The following LRRC17 variants were observed in gnomAD, a reference collection of about 807,000 sequenced individuals.
LRRC17 encodes the protein leucine-rich repeat-containing protein 17.
In LRRC17, 33 loss-of-function variants were observed where a neutral mutation model predicts 41.5. The observed-to-expected ratio is 0.80, with a 90% CI of 0.60 to 1.06. The LOEUF (loss-of-function observed/expected upper bound fraction) is 1.06. Among genes scored for constraint, LRRC17 ranks in the 50% least tolerant of loss-of-function variants. LRRC17 has a pLI of 0.00. For synonymous variants in LRRC17, 192 were observed against 197.0 expected, an observed-to-expected ratio of 0.97 and a Z score of 0.21; for missense variants, 491 against 519.3, an observed-to-expected ratio of 0.95 and a Z score of 0.53.
chr7:102,934,680 G>A lies in LRRC17; in HGVS notation c.767G>A (p.Arg256Lys). The change falls in exon 2 of 4, where the codon AGG becomes AAG. Residue 256 changes from arginine (R) to lysine (K), a missense_variant. Coordinates refer to ENST00000339431, the MANE Select transcript of LRRC17 (RefSeq NM_001031692.3). The stretch of plus-strand genomic sequence containing the variant: ...CCCATACAAACACTGGACTGCAAAA[G>A]GAAAGGTTTGTACTTTTCTTACTTT... ...VFPIQTLDCK[R>K]KELKKVPNNI... 6.3e-7 allele frequency: 1 copy of A among 1,582,136 alleles called. No homozygotes were observed. Among genetic ancestry groups the A allele is most frequent in the Non-Finnish European group, 8.5e-7 (1 of 1,170,458 alleles).
In LRRC17 at chr7:102,944,545, GA is replaced by G. The variant is rs745668314; in HGVS notation, c.1272del (p.Lys424AsnfsTer12). 3.7e-6 allele frequency: 6 copies of G among 1,608,930 alleles called. No homozygotes were observed. The highest frequency in any genetic ancestry group is 2.7e-5 in the African/African-American group (2 of 74,318). On this transcript the variant is annotated frameshift_variant, in exon 4 of 4. Coordinates refer to ENST00000339431, the MANE Select transcript of LRRC17 (RefSeq NM_001031692.3). LOFTEE classifies it high-confidence loss of function. ...CCAAGACACAGAAGATGATGAATGG[GA>G]AAAAAAACATAGAGATCACACCGCA... ...FDQDTEDDEW[E>X]KKHRDHTAKK...
rs1447788406 is a variant in LRRC17, at chr7:102,939,592, T to C, written c.928+7T>C. 6.2e-7 allele frequency: 1 copy of C among 1,612,068 alleles called. No homozygotes were observed. Among genetic ancestry groups the C allele is most frequent in the East Asian group, 2.2e-5 (1 of 44,852 alleles). On this transcript the variant is annotated splice_region_variant and intron_variant, in intron 3 of 3. Coordinates refer to ENST00000339431, the MANE Select transcript of LRRC17 (RefSeq NM_001031692.3). Reference sequence around the variant, plus strand: ...ATTGAATTCATCGATCCTGGTAAGTTCCCCTGTATAGCCCCTTCAATGGGT... The same window carrying C: ...ATTGAATTCATCGATCCTGGTAAGTCCCCCTGTATAGCCCCTTCAATGGGT...
chr7:102,926,223 A>C, intron 1 of LRRC17: 1 of 1,509,190 alleles, frequency 6.6e-7, no homozygotes, highest in Non-Finnish European at 9.1e-7. Flanking sequence ...CAAGCCAGAG[A>C]CTTTGGGAGC....
At chr7:102,941,944 T>C (rs566705814) in intron 3 of LRRC17, among the ~76,000 whole-genome samples, 2 of 152,180 alleles carry the variant, frequency 1.3e-5, no homozygotes, top group South Asian at 4.1e-4. Context: ...GTTTTTCACA[T>C]GTTTCCCGTA....
At chr7:102,943,376 C>T (rs1234542343) in intron 3 of LRRC17, among the ~76,000 whole-genome samples, 1 of 148,666 alleles carries the variant, frequency 6.7e-6, no homozygotes, top group East Asian at 1.9e-4. Context: ...TTAAAGCTAA[C>T]TTAAAACTGA....
At chr7:102,915,739 ATT>A (rs10559545) in intron 1 of LRRC17, among the ~76,000 whole-genome samples, 72,133 of 151,530 alleles carry the variant, frequency 0.48, 19,707 homozygotes, top group African/African-American at 0.77. Flanking sequence ...ATAAAAAAAC[ATT>A]TATGAGTAGA....
chr7:102,925,094 T>C (rs1486988886), intron 1 of LRRC17, among the ~76,000 whole-genome samples: 1 of 152,218 alleles, frequency 6.6e-6, no homozygotes, highest in Admixed American at 6.5e-5. Flanking sequence ...TAACTGGCCT[T>C]TCTGTAATGA....
At chr7:102,914,347 A>G (rs1043927540) in intron 1 of LRRC17, among the ~76,000 whole-genome samples, 15 of 152,208 alleles carry the variant, frequency 9.9e-5, no homozygotes, top group African/African-American at 3.6e-4. Context: ...TGCTCGGAAC[A>G]GGCATGAGCC....
At chr7:102,920,950 G>C (rs903793977) in intron 1 of LRRC17, among the ~76,000 whole-genome samples, 1 of 151,972 alleles carries the variant, frequency 6.6e-6, no homozygotes, top group African/African-American at 2.4e-5. Context: ...TCAGGAGTTC[G>C]AGACCGGCCT....
intron 3 of LRRC17, among the ~76,000 whole-genome samples, chr7:102,940,904 T>C (rs567747721): frequency 3.3e-5 from 5 of 152,370 alleles, no homozygotes; most frequent in South Asian, 2.1e-4. Flanking sequence ...TTATTAATAA[T>C]GTAATGTAAT....
At chr7:102,938,749 G>A (rs1490933693) in intron 2 of LRRC17, among the ~76,000 whole-genome samples, 1 of 152,146 alleles carries the variant, frequency 6.6e-6, no homozygotes, top group African/African-American at 2.4e-5. Flanking sequence ...TCTCATTGAA[G>A]TTCTAAGGTA....
rs1268358209 is a variant in LRRC17, at chr7:102,939,455, C to T, written c.798C>T (p.Ile266=). The part of the protein sequence containing the change: ...RKELKKVPNN[I]PPDIVKLDLS... ...AGTTGAAAAAAGTGCCAAACAACATCCCTCCAGATATTGTTAAACTTGACT... is the reference window on the plus strand; with the variant it reads ...AGTTGAAAAAAGTGCCAAACAACATTCCTCCAGATATTGTTAAACTTGACT... The change falls in exon 3 of 4, where the codon ATC becomes ATT. Residue 266 remains isoleucine, a synonymous_variant. Transcript: ENST00000339431. The T allele has an allele frequency of 3.7e-6, 6 of 1,608,810 alleles. No individual in the cohort carries two copies. Among genetic ancestry groups the T allele is most frequent in the Non-Finnish European group, 5.1e-6 (6 of 1,178,548 alleles).
At chr7:102,937,412 C>T (rs971613460) in intron 2 of LRRC17, among the ~76,000 whole-genome samples, 1 of 147,982 alleles carries the variant, frequency 6.8e-6, no homozygotes, top group African/African-American at 2.5e-5. Context: ...GAGGCTGAGC[C>T]ATGAGAATCG....
intron 1 of LRRC17, chr7:102,926,493 C>T: frequency 1.4e-6 from 1 of 699,108 alleles, no homozygotes; most frequent in Non-Finnish European, 2.3e-6. Context: ...GAGTTGGTTT[C>T]TTCATATTCT....
At chr7:102,943,811 CTG>C (rs1821934394) in intron 3 of LRRC17, among the ~76,000 whole-genome samples, 1 of 152,186 alleles carries the variant, frequency 6.6e-6, no homozygotes, top group African/African-American at 2.4e-5. Context: ...GAGTGACCAT[CTG>C]TGTTAGCTTA....
At chr7:102,931,753 T>G in intron 1 of LRRC17, 1 of 768,030 alleles carries the variant, frequency 1.3e-6, no homozygotes, top group Admixed American at 2.7e-5. Context: ...TTGTCAATGT[T>G]TAACATAGTT....
At chr7:102,931,890 T>C in intron 1 of LRRC17, 1 of 1,613,692 alleles carries the variant, frequency 6.2e-7, no homozygotes, top group Non-Finnish European at 8.5e-7. Context: ...CTGTGAATGT[T>C]GGGCAGTCAG....
chr7:102,915,986 T>C (rs1329793090), intron 1 of LRRC17, among the ~76,000 whole-genome samples: 2 of 139,216 alleles, frequency 1.4e-5, no homozygotes, highest in Non-Finnish European at 3.0e-5. Flanking sequence ...AGTTTCTTCT[T>C]TTTTTTTTTT....
At chr7:102,942,320 T>G in intron 3 of LRRC17, 1 of 1,593,834 alleles carries the variant, frequency 6.3e-7, no homozygotes, top group Non-Finnish European at 8.5e-7. Flanking sequence ...GCAAGTAGAC[T>G]TACGTGAATG....
Sources: gnomAD v4.1 joint callset for allele counts (sites outside exome capture counted in the v4.1 genomes callset) on GRCh38, gnomAD v4.1.1 for gene constraint, MANE v1.5 for transcripts, NCBI Gene and HGNC (gene_info 2026-07-23, HGNC 2026-07-21) for gene names.